Variants in SYT1 observed in about 807,000 individuals in gnomAD.
The protein encoded by SYT1 is synaptotagmin-1.
In SYT1, 8 loss-of-function variants were observed where a neutral mutation model predicts 44.8. The observed-to-expected ratio is 0.18, with a 90% CI of 0.10 to 0.32. The LOEUF is 0.32. Among genes scored for constraint, SYT1 ranks in the 10% least tolerant of loss-of-function variants. The pLI is 1.00. For synonymous variants in SYT1, 154 were observed against 188.8 expected, an observed-to-expected ratio of 0.82 and a Z score of 1.51; for missense variants, 286 against 509.3, an observed-to-expected ratio of 0.56 and a Z score of 4.22.
intron 1 of SYT1, among the ~76,000 whole-genome samples, chr12:78,921,404 A>C (rs1876992303): frequency 6.6e-6 from 1 of 152,004 alleles, no homozygotes; most frequent in African/African-American, 2.4e-5. Context: ...CAGTCAGTAG[A>C]TGCTAGTTAT....
chr12:79,331,321 G>A (rs1418720128), intron 8 of SYT1, among the ~76,000 whole-genome samples: 3 of 152,042 alleles, frequency 2.0e-5, no homozygotes, highest in African/African-American at 7.2e-5. Flanking sequence ...TTGCAAAAGT[G>A]GTCATATATA....
intron 1 of SYT1, among the ~76,000 whole-genome samples, chr12:78,972,636 A>G (rs1868463674): frequency 6.6e-6 from 1 of 151,910 alleles, no homozygotes; most frequent in African/African-American, 2.4e-5. Context: ...TATGTCACAT[A>G]TGTTCATTAG....
At chr12:78,971,901 G>A (rs1308879344) in intron 1 of SYT1, among the ~76,000 whole-genome samples, 1 of 152,082 alleles carries the variant, frequency 6.6e-6, no homozygotes, top group East Asian at 1.9e-4. Context: ...GGGAATCATT[G>A]ACCCCTTTTA....
chr12:79,179,514 T>TATAGAG (rs1565842454), intron 3 of SYT1, among the ~76,000 whole-genome samples: 4 of 71,288 alleles, frequency 5.6e-5, no homozygotes, highest in African/African-American at 1.4e-4. Flanking sequence ...TAGATATAGA[T>TATAGAG]ATATCTATAT....
At chr12:79,138,784 A>G (rs561794963) in intron 3 of SYT1, among the ~76,000 whole-genome samples, 49 of 152,344 alleles carry the variant, frequency 3.2e-4, no homozygotes, top group African/African-American at 1.1e-3. Context: ...CTACCTGTGT[A>G]CACACCTAGT....
At chr12:79,068,369 A>G (rs1876022549) in intron 3 of SYT1, among the ~76,000 whole-genome samples, 1 of 152,150 alleles carries the variant, frequency 6.6e-6, no homozygotes, top group Non-Finnish European at 1.5e-5. Flanking sequence ...TCTAGTCTAA[A>G]TACTTGAAAA....
intron 2 of SYT1, among the ~76,000 whole-genome samples, chr12:79,043,514 G>T (rs1189072216): frequency 6.6e-6 from 1 of 150,418 alleles, no homozygotes; most frequent in African/African-American, 2.5e-5. Context: ...TTGAGCCTAT[G>T]TGTGTCTCTG....
intron 3 of SYT1, among the ~76,000 whole-genome samples, chr12:79,182,298 A>G (rs1872589520): frequency 6.6e-6 from 1 of 151,848 alleles, no homozygotes. Flanking sequence ...GTCTTTTTTT[A>G]ACTCCCTTTC....
chr12:78,957,599 G>A (rs1017497076), intron 1 of SYT1, among the ~76,000 whole-genome samples: 3 of 152,104 alleles, frequency 2.0e-5, no homozygotes, highest in Admixed American at 6.6e-5. Flanking sequence ...GTAGAGCCAA[G>A]GTTGGATCCT....
At chr12:79,379,569 T>G (rs1884135095) in intron 9 of SYT1, among the ~76,000 whole-genome samples, 1 of 152,208 alleles carries the variant, frequency 6.6e-6, no homozygotes, top group African/African-American at 2.4e-5. Context: ...TTTTTGGATT[T>G]GCTTCAGATC....
intron 9 of SYT1, among the ~76,000 whole-genome samples, chr12:79,359,418 C>T (rs150561019): frequency 6.6e-6 from 1 of 152,238 alleles, no homozygotes; most frequent in African/African-American, 2.4e-5. Flanking sequence ...CCTGGCCATC[C>T]CTAGTCCTGC....
chr12:79,034,129 T>C (rs1409768924), intron 2 of SYT1, among the ~76,000 whole-genome samples: 3 of 151,550 alleles, frequency 2.0e-5, no homozygotes, highest in African/African-American at 4.8e-5. Flanking sequence ...ATAAGAATCA[T>C]GCTGTTCAGG....
chr12:78,988,122 T>G (rs1256082594), intron 2 of SYT1, among the ~76,000 whole-genome samples: 1 of 152,018 alleles, frequency 6.6e-6, no homozygotes. Flanking sequence ...ATTCACTCAC[T>G]GAACAAATTT....
At chr12:79,290,207 C>A (rs1879510971) in intron 5 of SYT1, among the ~76,000 whole-genome samples, 1 of 152,172 alleles carries the variant, frequency 6.6e-6, no homozygotes, top group African/African-American at 2.4e-5. Flanking sequence ...GCATCACTGA[C>A]AACAGCTCAA....
Position 78,966,295 on chromosome 12 carries a change from T to A in SYT1, c.-216-11504T>A, listed in dbSNP as rs1879770805. Among the ~76,000 whole-genome samples the A allele has an allele frequency of 2.6e-5, 4 of 152,114 alleles. No homozygotes were observed. In the South Asian group the frequency reaches 8.3e-4, roughly 31 times the overall value. On this transcript the variant is annotated intron_variant, in intron 1 of 10. Transcript: ENST00000261205. Reference sequence around the variant, plus strand: ...TTTATTTATTGTATTTATTTGTTATTATTTGAATCGTTTATTTGTCATATA... The same window carrying A: ...TTTATTTATTGTATTTATTTGTTATAATTTGAATCGTTTATTTGTCATATA...
In SYT1 at chr12:79,118,544, A is replaced by G. The variant is rs376626414; in HGVS notation, c.-18+71182A>G. 1.1e-4 allele frequency among the ~76,000 whole-genome samples: 17 copies of G among 152,320 alleles called. 1 individual carries two copies. Among genetic ancestry groups the G allele is most frequent in the African/African-American group, 4.1e-4 (17 of 41,566 alleles). ...TAAAATGACAGTAATCAAGTTTACC[A>G]TCTCCACCATTTAATAAAGCAAACA... On this transcript the variant is annotated intron_variant, in intron 3 of 10. Transcript: ENST00000261205.
intron 4 of SYT1, among the ~76,000 whole-genome samples, chr12:79,230,013 C>T (rs993772344): frequency 2.0e-5 from 3 of 152,176 alleles, no homozygotes; most frequent in African/African-American, 7.2e-5. Flanking sequence ...GGCATGGTCA[C>T]AGGACCCTAC....
intron 4 of SYT1, among the ~76,000 whole-genome samples, chr12:79,242,470 G>A (rs1876572588): frequency 6.6e-6 from 1 of 152,156 alleles, no homozygotes; most frequent in Non-Finnish European, 1.5e-5. Context: ...TTTATGCACT[G>A]GGGCTTGATT....
At chr12:78,925,340 A>G (rs1278546934) in intron 1 of SYT1, among the ~76,000 whole-genome samples, 2 of 151,984 alleles carry the variant, frequency 1.3e-5, no homozygotes, top group Non-Finnish European at 2.9e-5. Flanking sequence ...ACTCACTAGA[A>G]TTGAATATTT....
Sources: gnomAD v4.1 joint callset for allele counts (sites outside exome capture counted in the v4.1 genomes callset) on GRCh38, gnomAD v4.1.1 for gene constraint, MANE v1.5 for transcripts, NCBI Gene and HGNC (gene_info 2026-07-23, HGNC 2026-07-21) for gene names.